The following MARCHF6 variants were observed in gnomAD, a reference collection of about 807,000 sequenced individuals.
MARCHF6 encodes the protein E3 ubiquitin-protein ligase MARCHF6.
In MARCHF6, 31 loss-of-function variants were observed where a neutral mutation model predicts 133.7. That is an observed-to-expected ratio of 0.23 (90% CI 0.17 to 0.31). MARCHF6 has a LOEUF of 0.31. MARCHF6 is among the 10% of genes least tolerant of loss of function. The pLI, the probability that MARCHF6 is intolerant of heterozygous loss-of-function variation, is 1.00. For synonymous variants in MARCHF6, 395 were observed against 402.5 expected (o/e 0.98, Z 0.22); for missense variants, 723 against 1,121.6 (o/e 0.64, Z 5.08).
chr5:10,433,966 T>G lies in MARCHF6; in HGVS notation c.*282T>G, dbSNP rs958361549. 1.2e-5 allele frequency: 4 copies of G among 334,672 alleles called. No homozygotes were observed. The highest frequency in any genetic ancestry group is 6.4e-5 in the African/African-American group (3 of 46,712). The allele number at this position is 334,672 out of a possible 1,614,324, so 20.7% of individuals were successfully genotyped here. ...GTGCATTGTACATCTTTAAACAAAATGTATATTAATTTATTAAATCTAGTT... is the reference window on the plus strand; with the variant it reads ...GTGCATTGTACATCTTTAAACAAAAGGTATATTAATTTATTAAATCTAGTT... On this transcript the variant is annotated 3_prime_UTR_variant, in exon 26 of 26. Transcript: ENST00000274140.
At chr5:10,386,024 CTTATT>C (rs1048879537) in intron 4 of MARCHF6, among the ~76,000 whole-genome samples, 1 of 150,486 alleles carries the variant, frequency 6.6e-6, no homozygotes, top group African/African-American at 2.4e-5. Flanking sequence ...GTTGTGCTGT[CTTATT>C]TTTTTTTTTT....
chr5:10,431,338 G>A (rs964871450), intron 25 of MARCHF6, among the ~76,000 whole-genome samples: 1 of 152,116 alleles, frequency 6.6e-6, no homozygotes, highest in Non-Finnish European at 1.5e-5. Flanking sequence ...GTGCCCTCAG[G>A]GAACTTTCTA....
chr5:10,365,122 CACAGAAGTGCTTCTCATTG>C (rs1736063266), intron 1 of MARCHF6, among the ~76,000 whole-genome samples: 1 of 152,116 alleles, frequency 6.6e-6, no homozygotes, highest in South Asian at 2.1e-4. Flanking sequence ...CTTCTGATCT[CACAGAAGTGCTTCTCATTG>C]ACAGACTCTA....
rs1561134623 is a variant in MARCHF6, at chr5:10,405,679, T to C, written c.1452+2T>C. The C allele has an allele frequency of 6.3e-7, 1 of 1,580,704 alleles. No individual in the cohort carries two copies. Among genetic ancestry groups the C allele is most frequent in the Admixed American group, 2.0e-5 (1 of 50,400 alleles). On this transcript the variant is annotated splice_donor_variant, in intron 16 of 25. Coordinates refer to ENST00000274140, the MANE Select transcript of MARCHF6 (RefSeq NM_005885.4). LOFTEE classifies it high-confidence loss of function. ...CTCCGAAGATTTATTTTGTCAGTGG[T>C]AAGAAGATGTTTCCATTGTTTTTTT...
Position 10,370,092 on chromosome 5 carries a change from ATTTTTTT to A in MARCHF6, c.20-7686_20-7680del, listed in dbSNP as rs762064486. 1.0e-3 allele frequency among the ~76,000 whole-genome samples: 68 copies of A among 64,958 alleles called. 1 individual carries two copies. Among genetic ancestry groups the A allele is most frequent in the African/African-American group, 4.3e-3 (60 of 14,084 alleles). 42.6% of individuals were successfully genotyped at this position (64,958 alleles called of 152,430 possible). On this transcript the variant is annotated intron_variant, in intron 1 of 25. Coordinates refer to ENST00000274140, the MANE Select transcript of MARCHF6 (RefSeq NM_005885.4). ...ATAGGTATGGGAGTATCTTACTGTG[ATTTTTTT>A]TTTTTTTTTTTTTTTTTTTGAGACA... is the stretch of plus-strand genomic sequence containing the variant.
At chr5:10,358,867 C>A (rs1579512682) in intron 1 of MARCHF6, among the ~76,000 whole-genome samples, 1 of 152,106 alleles carries the variant, frequency 6.6e-6, no homozygotes, top group Non-Finnish European at 1.5e-5. Context: ...TCAAAACTTA[C>A]ACACACAAAC....
In MARCHF6 at chr5:10,365,808, A is replaced by T. The variant is rs550081011; in HGVS notation, c.19+11891A>T. On this transcript the variant is annotated intron_variant, in intron 1 of 25. Transcript: ENST00000274140. ...AATTACCCATGTTCTCGTCTGACCA[A>T]TTACAGTGGCTGTCTTTTTTTTGCA... 7.7e-4 allele frequency among the ~76,000 whole-genome samples: 118 copies of T among 152,328 alleles called. 1 individual carries two copies. Among genetic ancestry groups the T allele is most frequent in the African/African-American group, 2.7e-3 (114 of 41,576 alleles).
Position 10,394,156 on chromosome 5 carries a change from T to A in MARCHF6, c.828+13T>A. The A allele has an allele frequency of 6.5e-7, 1 of 1,527,364 alleles. No homozygotes were observed. Among genetic ancestry groups the A allele is most frequent in the South Asian group, 1.3e-5 (1 of 77,498 alleles). 94.6% of individuals were successfully genotyped at this position (1,527,364 alleles called of 1,614,324 possible). On this transcript the variant is annotated intron_variant, in intron 8 of 25. Coordinates refer to ENST00000274140, the MANE Select transcript of MARCHF6 (RefSeq NM_005885.4). ...TACATGGGAAAGAGTAAGACCTTTT[T>A]CTGTCAAGTATCCTGGTGTTTTAAT...
intron 1 of MARCHF6, among the ~76,000 whole-genome samples, chr5:10,359,315 T>TTAC (rs954150965): frequency 5.3e-5 from 8 of 152,344 alleles, no homozygotes; most frequent in Non-Finnish European, 1.2e-4. Flanking sequence ...ATTTATCTTG[T>TTAC]AAACAGACAG....
intron 22 of MARCHF6, among the ~76,000 whole-genome samples, chr5:10,422,672 C>T (rs185492343): frequency 6.7e-6 from 1 of 150,254 alleles, no homozygotes; most frequent in East Asian, 1.9e-4. Flanking sequence ...ATCAACCTCT[C>T]ACCCCATTTG....
Position 10,438,580 on chromosome 5 carries a change from T to A in MARCHF6, c.*4896T>A, listed in dbSNP as rs974426844. The A allele has an allele frequency of 1.3e-5, 2 of 152,226 alleles. No individual in the cohort carries two copies. Among genetic ancestry groups the A allele is most frequent in the African/African-American group, 4.8e-5 (2 of 41,468 alleles). The allele number at this position is 152,226 out of a possible 1,614,324, so 9.4% of individuals were successfully genotyped here. A position where few individuals can be genotyped will look rare whatever the true frequency, so the allele number is the denominator to read the frequency against. On this transcript the variant is annotated 3_prime_UTR_variant, in exon 26 of 26. Coordinates refer to ENST00000274140, the MANE Select transcript of MARCHF6 (RefSeq NM_005885.4). ...TGTAGTGATAAGGAGAACTAACGTA[T>A]CAAGGGGCTGAGAGGGTAACGTTCC...
chr5:10,392,178 C>T (rs892894729), intron 7 of MARCHF6, among the ~76,000 whole-genome samples: 12 of 152,244 alleles, frequency 7.9e-5, no homozygotes, highest in African/African-American at 2.9e-4. Context: ...AGTATGGTCT[C>T]GATCTCCTGA....
chr5:10,397,952 A>G (rs1241615605), intron 10 of MARCHF6, among the ~76,000 whole-genome samples: 1 of 152,220 alleles, frequency 6.6e-6, no homozygotes. Flanking sequence ...GACACTGTTG[A>G]CAGAGGTTTT....
At chr5:10,415,692 T>G in intron 21 of MARCHF6, 23 bp downstream of exon 21, 1 of 1,553,760 alleles carries the variant, frequency 6.4e-7, no homozygotes, top group East Asian at 2.3e-5. Flanking sequence ...AATACAAGAC[T>G]GATCTTGTAT....
At chr5:10,393,314 A>G (rs1737986121) in intron 7 of MARCHF6, among the ~76,000 whole-genome samples, 1 of 152,078 alleles carries the variant, frequency 6.6e-6, no homozygotes, top group Non-Finnish European at 1.5e-5. Flanking sequence ...GGCTCAAGTG[A>G]TCCTCCTGCC....
At chr5:10,428,235 G>T (rs2126357432) in intron 24 of MARCHF6, among the ~76,000 whole-genome samples, 1 of 151,480 alleles carries the variant, frequency 6.6e-6, no homozygotes, top group South Asian at 2.1e-4. Flanking sequence ...GCTTTTATTT[G>T]GTTTGAATTG....
chr5:10,369,408 T>C (rs1736324269), intron 1 of MARCHF6, among the ~76,000 whole-genome samples: 1 of 152,248 alleles, frequency 6.6e-6, no homozygotes, highest in Admixed American at 6.5e-5. Context: ...AGTATGTTTT[T>C]CATGTCATCC....
chr5:10,379,476 G>A (rs995986770), intron 3 of MARCHF6, among the ~76,000 whole-genome samples: 5 of 147,272 alleles, frequency 3.4e-5, no homozygotes, highest in Admixed American at 2.0e-4. Flanking sequence ...TTTTTTTTGA[G>A]ACAGAATCTC....
At chr5:10,381,059 T>G (rs1737111392) in intron 3 of MARCHF6, among the ~76,000 whole-genome samples, 1 of 152,224 alleles carries the variant, frequency 6.6e-6, no homozygotes, top group South Asian at 2.1e-4. Context: ...TAATTTCTTG[T>G]TTTGGCCTTA....
Sources: allele counts gnomAD v4.1 joint callset (sites outside exome capture counted in the v4.1 genomes callset), GRCh38; gene constraint gnomAD v4.1.1; transcripts MANE v1.5; gene names NCBI Gene and HGNC (gene_info 2026-07-23, HGNC 2026-07-21).